TEX11: variants seen among roughly 807,000 people sequenced by gnomAD.
The protein encoded by TEX11 is testis expressed 11.
A neutral mutation model predicts 84.4 loss-of-function variants in TEX11; 7 were observed. The ratio of observed to expected loss-of-function variants is 0.08; its 90% CI spans 0.05 to 0.16. The LOEUF (loss-of-function observed/expected upper bound fraction) is 0.16, where lower values mean the gene tolerates loss of function less well. TEX11 is among the 10% of genes least tolerant of loss of function. TEX11 has a pLI of 1.00. For synonymous variants in TEX11, 264 were observed against 222.8 expected (o/e 1.18, Z -1.64); for missense variants, 551 against 660.5 (o/e 0.83, Z 1.82).
rs1569429121 is a variant in TEX11, at chrX:70,750,936, ATATATATATAT to A, written c.693-6728_693-6718del. 3.6e-4 allele frequency among the ~76,000 whole-genome samples: 13 copies of A among 36,547 alleles called. 1 individual carries two copies. Among genetic ancestry groups the A allele is most frequent in the Admixed American group, 1.7e-3 (5 of 2,985 alleles). 31.7% of individuals were successfully genotyped at this position (36,547 alleles called of 115,157 possible). Reference sequence around the variant, plus strand: ...TAAAGTATAATAAAAAAAAAAAAATATATATATATATATATATATATATATATATAAAAGTC... The same window carrying A: ...TAAAGTATAATAAAAAAAAAAAAATAATATATATATATATATATAAAAGTC... On this transcript the variant is annotated intron_variant, in intron 9 of 29. Transcript: ENST00000374333.
At chrX:70,881,782 C>T (rs1242463950) in intron 2 of TEX11, among the ~76,000 whole-genome samples, 1 of 109,841 alleles carries the variant, frequency 9.1e-6, no homozygotes, top group Non-Finnish European at 1.9e-5. Context: ...CTATAGATTC[C>T]AATAAAGACG....
chrX:70,841,498 T>G (rs965312289), intron 7 of TEX11, among the ~76,000 whole-genome samples: 3 of 110,838 alleles, frequency 2.7e-5, no homozygotes, highest in Non-Finnish European at 5.7e-5. Flanking sequence ...GAGGGAAACT[T>G]ATAGCACTAA....
chrX:70,532,794 T>A (rs1196240461), intron 28 of TEX11, among the ~76,000 whole-genome samples: 1 of 110,149 alleles, frequency 9.1e-6, no homozygotes, highest in African/African-American at 3.3e-5. Context: ...ATCCCAGCAC[T>A]TTGGGAGGCC....
chrX:70,900,780 C>T (rs2091799058), intron 2 of TEX11, among the ~76,000 whole-genome samples: 1 of 110,387 alleles, frequency 9.1e-6, no homozygotes, highest in Non-Finnish European at 1.9e-5. Flanking sequence ...ACAGCAAAAC[C>T]CTGTCTCTAC....
intron 8 of TEX11, among the ~76,000 whole-genome samples, chrX:70,827,757 A>G (rs2091355039): frequency 9.0e-6 from 1 of 111,646 alleles, no homozygotes; most frequent in African/African-American, 3.3e-5. Context: ...TCTGACTCCA[A>G]TCCCTGGCTC....
intron 28 of TEX11, among the ~76,000 whole-genome samples, chrX:70,544,140 G>A (rs1308025705): frequency 8.9e-6 from 1 of 111,997 alleles, no homozygotes; most frequent in African/African-American, 3.2e-5. Flanking sequence ...GGACATTCTT[G>A]TACATTACTG....
chrX:70,834,988 C>A (rs1404431329), intron 7 of TEX11, among the ~76,000 whole-genome samples: 1 of 110,682 alleles, frequency 9.0e-6, no homozygotes, highest in Non-Finnish European at 1.9e-5. Context: ...GAATAGTAAG[C>A]CTGACATCTT....
intron 28 of TEX11, among the ~76,000 whole-genome samples, chrX:70,551,475 T>C (rs536914628): frequency 6.3e-5 from 7 of 111,326 alleles, no homozygotes; most frequent in African/African-American, 2.3e-4. Context: ...ATTATATGCC[T>C]GTACCAAAAA....
At chrX:70,525,586 CAA>C (rs58514385), downstream of TEX11, among the ~76,000 whole-genome samples, 20 of 89,225 alleles carry the variant, frequency 2.2e-4, no homozygotes, top group Admixed American at 2.5e-4. Flanking sequence ...GACCCTATCT[CAA>C]AAAAAAAAAA....
chrX:70,657,727 A>T (rs1056227647), intron 16 of TEX11, among the ~76,000 whole-genome samples: 2 of 109,582 alleles, frequency 1.8e-5, no homozygotes, highest in African/African-American at 6.7e-5. Context: ...CATATACACC[A>T]TGGAATACTA....
chrX:70,575,745 C>T (rs1357301485), intron 25 of TEX11, among the ~76,000 whole-genome samples: 4 of 111,812 alleles, frequency 3.6e-5, no homozygotes, highest in Non-Finnish European at 7.5e-5. Context: ...GACTCATCTC[C>T]CACTATATAA....
At chrX:70,758,450 C>G (rs1355909659) in intron 9 of TEX11, among the ~76,000 whole-genome samples, 2 of 112,086 alleles carry the variant, frequency 1.8e-5, no homozygotes, top group Non-Finnish European at 3.8e-5. Context: ...CAAATTAGAA[C>G]TCAGGATGAA....
chrX:70,657,061 C>G (rs922197155), intron 16 of TEX11, among the ~76,000 whole-genome samples: 1 of 112,208 alleles, frequency 8.9e-6, no homozygotes, highest in African/African-American at 3.2e-5. Flanking sequence ...TATATTTGTG[C>G]TATTCAATAG....
intron 9 of TEX11, among the ~76,000 whole-genome samples, chrX:70,773,030 C>A (rs950699817): frequency 2.1e-4 from 23 of 108,691 alleles, no homozygotes; most frequent in Non-Finnish European, 2.9e-4. Context: ...ACAACAACAA[C>A]AAAAAAAACA....
chrX:70,714,693 C>T (rs746458243), intron 13 of TEX11, among the ~76,000 whole-genome samples: 15 of 111,321 alleles, frequency 1.3e-4, no homozygotes, highest in African/African-American at 3.9e-4. Flanking sequence ...TGTCTCTGCA[C>T]GTGAGATGGG....
At position 70,833,501 on chromosome X, in the gene TEX11, G is replaced by A; in HGVS notation, c.606+12C>T. 8.4e-7 allele frequency: 1 copy of A among 1,190,851 alleles called. No individual in the cohort carries two copies. On this transcript the variant is annotated intron_variant, in intron 8 of 29. Transcript: ENST00000374333. The stretch of plus-strand genomic sequence containing the variant: ...TATTTTCAAACTCTTGGAGAATGCA[G>A]ACTTCACTCACCATCTGGGGGAGCC...
intron 15 of TEX11, among the ~76,000 whole-genome samples, chrX:70,677,668 T>C (rs1333651596): frequency 9.0e-6 from 1 of 111,166 alleles, no homozygotes; most frequent in Admixed American, 9.6e-5. Flanking sequence ...CTGGCTGCCT[T>C]GGTCTCCTCA....
intron 13 of TEX11, among the ~76,000 whole-genome samples, chrX:70,702,964 A>T (rs1193332469): frequency 8.9e-6 from 1 of 111,861 alleles, no homozygotes; most frequent in African/African-American, 3.2e-5. Context: ...CAAACTTTAT[A>T]TAGTGGCAAA....
intron 15 of TEX11, among the ~76,000 whole-genome samples, chrX:70,672,306 T>C (rs946017070): frequency 8.9e-6 from 1 of 111,732 alleles, no homozygotes; most frequent in Non-Finnish European, 1.9e-5. Context: ...TAAATAAAGC[T>C]GCTATCAGCT....
Sources: allele counts gnomAD v4.1 joint callset (sites outside exome capture counted in the v4.1 genomes callset), GRCh38; gene constraint gnomAD v4.1.1; transcripts MANE v1.5; gene names NCBI Gene and HGNC (gene_info 2026-07-23, HGNC 2026-07-21).